PHACTR1: variants seen among roughly 807,000 people sequenced by gnomAD.
PHACTR1 encodes RPEL repeat containing 1.
PHACTR1 carries 16 observed loss-of-function variants against 69.2 expected under a neutral mutation model. The ratio of observed to expected loss-of-function variants is 0.23; its 90% CI spans 0.16 to 0.35. PHACTR1 has a LOEUF of 0.35. PHACTR1 is among the 10% of genes least tolerant of loss of function. The pLI is 1.00. For missense variants in PHACTR1, 510 were observed against 734.7 expected, an observed-to-expected ratio of 0.69 and a Z score of 3.54; for synonymous variants, 312 against 284.5, an observed-to-expected ratio of 1.10 and a Z score of -0.97.
intron 4 of PHACTR1, among the ~76,000 whole-genome samples, chr6:12,897,262 G>A (rs1380939158): frequency 6.6e-6 from 1 of 152,180 alleles, no homozygotes; most frequent in Non-Finnish European, 1.5e-5. Flanking sequence ...AGGAGATTTA[G>A]CGGTATCTAT....
At chr6:12,974,213 C>T (rs1376272240) in intron 4 of PHACTR1, among the ~76,000 whole-genome samples, 2 of 152,144 alleles carry the variant, frequency 1.3e-5, no homozygotes, top group African/African-American at 4.8e-5. Flanking sequence ...AACCACCGTG[C>T]CTGGCCAGGA....
At position 13,138,722 on chromosome 6, in the gene PHACTR1, G is replaced by A. The variant is rs547849698; in HGVS notation, c.416-21482G>A. Among the ~76,000 whole-genome samples the A allele has an allele frequency of 2.8e-4, 43 of 152,342 alleles. 2 individuals are homozygous for A. The South Asian group carries it at 8.7e-3, about 31-fold the overall frequency. The stretch of plus-strand genomic sequence containing the variant: ...CAAAGGGGAAAATGAGTGGTTGTCA[G>A]AGGCACCTTGGCCCAGCCACCCACT... On this transcript the variant is annotated intron_variant, in intron 5 of 14. Transcript: ENST00000332995.
chr6:12,825,829 A>G (rs1287469947), intron 4 of PHACTR1, among the ~76,000 whole-genome samples: 2 of 152,102 alleles, frequency 1.3e-5, no homozygotes, highest in East Asian at 1.9e-4. Flanking sequence ...CATGAAATTC[A>G]GGTTTCCCAA....
At chr6:13,105,140 G>A (rs1815878983) in intron 5 of PHACTR1, among the ~76,000 whole-genome samples, 1 of 152,186 alleles carries the variant, frequency 6.6e-6, no homozygotes, top group South Asian at 2.1e-4. Flanking sequence ...CAACCACTTT[G>A]AGAGGCCAAG....
At chr6:13,061,733 G>A (rs1807706939) in intron 5 of PHACTR1, among the ~76,000 whole-genome samples, 1 of 151,852 alleles carries the variant, frequency 6.6e-6, no homozygotes, top group Admixed American at 6.6e-5. Flanking sequence ...TTTCAATCGA[G>A]GAAAAAAAGG....
intron 3 of PHACTR1, among the ~76,000 whole-genome samples, chr6:12,744,136 G>A (rs556596514): frequency 6.6e-5 from 10 of 151,876 alleles, no homozygotes; most frequent in Non-Finnish European, 1.2e-4. Flanking sequence ...CATAGGTCAG[G>A]AGCCCTGTAC....
rs1387780804 is a variant in PHACTR1, at chr6:13,179,427, T to TGG, written c.497-3091_497-3090insGG. On this transcript the variant is annotated intron_variant, in intron 6 of 14. Transcript: ENST00000332995. This position sits in a 1 kb window ranked among gnomAD's most constrained non-coding sequence, Gnocchi z 4.2. ...TTTCGTGTGTGTGTGTGTGTGTGTGTGTGTGTGTGTGTGTGTGTTTAAAAA... is the reference window on the plus strand; with the variant it reads ...TTTCGTGTGTGTGTGTGTGTGTGTGTGGGTGTGTGTGTGTGTGTGTTTAAAAA... Among the ~76,000 whole-genome samples the TGG allele has an allele frequency of 6.6e-6, 1 of 151,672 alleles. No individual in the cohort carries two copies. Among genetic ancestry groups the TGG allele is most frequent in the Admixed American group, 6.6e-5 (1 of 15,218 alleles).
Position 13,193,365 on chromosome 6 carries a change from A to G in PHACTR1, c.664+10679A>G, listed in dbSNP as rs1049214099. On this transcript the variant is annotated intron_variant, in intron 7 of 14. Coordinates refer to ENST00000332995, the MANE Select transcript of PHACTR1 (RefSeq NM_030948.6). Reference sequence around the variant, plus strand: ...TCTTAATAGCTCTCTGTGTATATATATATATATATATATATATATAGTTTT... The same window carrying G: ...TCTTAATAGCTCTCTGTGTATATATGTATATATATATATATATATAGTTTT... 3.9e-4 allele frequency among the ~76,000 whole-genome samples: 40 copies of G among 101,938 alleles called. 1 individual carries two copies. The highest frequency in any genetic ancestry group is 1.3e-3 in the African/African-American group (37 of 27,420). 66.9% of individuals were successfully genotyped at this position (101,938 alleles called of 152,430 possible).
intron 6 of PHACTR1, among the ~76,000 whole-genome samples, chr6:13,180,178 C>G (rs1762004398): frequency 6.6e-6 from 1 of 152,216 alleles, no homozygotes; most frequent in African/African-American, 2.4e-5. Context: ...AAAACATGTT[C>G]AAAAAGAGGA....
In PHACTR1 at chr6:12,841,751, T is replaced by A. The variant is rs180768989; in HGVS notation, c.250+91961T>A. Among the ~76,000 whole-genome samples, 22 of 152,304 alleles carry A rather than the reference T, an allele frequency of 1.4e-4. No homozygotes were observed. In the East Asian group the frequency reaches 4.2e-3, roughly 29 times the overall value. Reference sequence around the variant, plus strand: ...AACAATTGAAAGAGTTGGCCAAGAATGTGTACAGTAAACATTTCAAGTTTA... The same window carrying A: ...AACAATTGAAAGAGTTGGCCAAGAAAGTGTACAGTAAACATTTCAAGTTTA... On this transcript the variant is annotated intron_variant, in intron 4 of 14. Coordinates refer to ENST00000332995, the MANE Select transcript of PHACTR1 (RefSeq NM_030948.6).
intron 3 of PHACTR1, among the ~76,000 whole-genome samples, chr6:12,738,261 A>C (rs913953100): frequency 4.6e-5 from 7 of 152,214 alleles, no homozygotes; most frequent in Non-Finnish European, 1.0e-4. Context: ...GGGGTGCTCC[A>C]AAGGTGGTTA....
intron 5 of PHACTR1, among the ~76,000 whole-genome samples, chr6:13,116,783 G>A (rs1817884130): frequency 6.6e-6 from 1 of 152,122 alleles, no homozygotes; most frequent in African/African-American, 2.4e-5. Flanking sequence ...AAATTTTTGA[G>A]CATTTTATTT....
At chr6:12,911,791 A>G (rs1342608515) in intron 4 of PHACTR1, among the ~76,000 whole-genome samples, 1 of 152,196 alleles carries the variant, frequency 6.6e-6, no homozygotes, top group Non-Finnish European at 1.5e-5. Flanking sequence ...CTTTCCAAAG[A>G]GCTTTACAAA....
rs144962157 is a variant in PHACTR1 at position 13,271,414 on chromosome 6, A to T, written c.1392-1446A>T. 5.0e-4 allele frequency among the ~76,000 whole-genome samples: 76 copies of T among 152,350 alleles called. 1 individual carries two copies. The East Asian group carries it at 0.013, about 27-fold the overall frequency. On this transcript the variant is annotated intron_variant, in intron 10 of 14. Coordinates refer to ENST00000332995, the MANE Select transcript of PHACTR1 (RefSeq NM_030948.6). ...TCCCTATATAGGATGTGTGGTGGTG[A>T]CACGGGAATGTCACAGAAGCAATTG...
chr6:12,775,339 A>AC (rs142899657), intron 4 of PHACTR1, among the ~76,000 whole-genome samples: 3,506 of 152,334 alleles, frequency 0.023, 121 homozygotes, highest in African/African-American at 0.069. Flanking sequence ...TTTTTAAAAA[A>AC]TATTTATTTA....
At position 13,110,515 on chromosome 6, in the gene PHACTR1, C is replaced by CTT. The variant is rs745721216; in HGVS notation, c.416-49689_416-49688insTT. 2.6e-5 allele frequency among the ~76,000 whole-genome samples: 4 copies of CTT among 152,292 alleles called. No homozygotes were observed. The East Asian group carries it at 7.7e-4, about 29-fold the overall frequency. On this transcript the variant is annotated intron_variant, in intron 5 of 14. Coordinates refer to ENST00000332995, the MANE Select transcript of PHACTR1 (RefSeq NM_030948.6). ...AACAGTTTTGAATCTCAGCTAAAAA[C>CTT]GCAGGAGGATTTCTGTAGTTCTGCT...
intron 4 of PHACTR1, among the ~76,000 whole-genome samples, chr6:12,883,809 C>T (rs929926499): frequency 4.6e-5 from 7 of 152,204 alleles, no homozygotes; most frequent in African/African-American, 1.4e-4. Context: ...TTTCCTCCTG[C>T]ATACATATCA....
In PHACTR1 at chr6:12,773,919, A is replaced by G. The variant is rs552185887; in HGVS notation, c.250+24129A>G. On this transcript the variant is annotated intron_variant, in intron 4 of 14. Transcript: ENST00000332995. ...GATTGATTGGTTCATCAATTTGGTA[A>G]TTAAGATTACTGCCCAGAAAGTATA... 5.5e-4 allele frequency among the ~76,000 whole-genome samples: 84 copies of G among 152,284 alleles called. 2 individuals are homozygous for G. In the South Asian group the frequency reaches 0.017, roughly 31 times the overall value.
At chr6:12,863,971 G>C (rs1781190637) in intron 4 of PHACTR1, among the ~76,000 whole-genome samples, 1 of 152,196 alleles carries the variant, frequency 6.6e-6, no homozygotes, top group Non-Finnish European at 1.5e-5. Context: ...AGAGGATACA[G>C]TTGTTCGAGT....
Sources: allele counts gnomAD v4.1 joint callset (sites outside exome capture counted in the v4.1 genomes callset), GRCh38; gene constraint gnomAD v4.1.1; non-coding constraint Gnocchi (gnomAD v3.1); transcripts MANE v1.5; gene names NCBI Gene and HGNC (gene_info 2026-07-23, HGNC 2026-07-21).